Variants in ROBO2 observed in about 807,000 individuals in gnomAD.
ROBO2 encodes the protein roundabout guidance receptor 2, also known as roundabout homolog 2.
Under a neutral mutation model 160.8 loss-of-function variants are expected in ROBO2, and 53 were observed. The ratio of observed to expected loss-of-function variants is 0.33; its 90% CI spans 0.26 to 0.41. The LOEUF (loss-of-function observed/expected upper bound fraction) is 0.41. Ranked by LOEUF, ROBO2 falls within the 10% of genes least tolerant of loss-of-function variation. ROBO2 has a pLI of 1.00. For missense variants in ROBO2, 1,577 were observed against 1,722.4 expected (o/e 0.92, Z 1.49); for synonymous variants, 664 against 611.7 (o/e 1.09, Z -1.26).
At position 76,569,854 on chromosome 3, in the gene ROBO2, GTGGCTCACACC is replaced by G. The variant is rs1387632224; in HGVS notation, c.110-528157_110-528147del. On this transcript the variant is annotated intron_variant, in intron 2 of 26. Coordinates refer to the ROBO2 transcript ENST00000487694. ...AGATTCCAATAAGCAGCCAGGTGCA[GTGGCTCACACC>G]TGTAATCCCAGCACTTTGAGAGGCC... 5.3e-5 allele frequency among the ~76,000 whole-genome samples: 8 copies of G among 152,334 alleles called. No homozygotes were observed. The South Asian group carries it at 1.0e-3, about 20-fold the overall frequency.
At chr3:76,833,427 G>A (rs2109350846) in intron 2 of ROBO2, among the ~76,000 whole-genome samples, 1 of 152,268 alleles carries the variant, frequency 6.6e-6, no homozygotes, top group Admixed American at 6.5e-5. Flanking sequence ...ATAAAAGTTT[G>A]TGGGATAGAA....
At chr3:77,609,244 A>C (rs913668081) in intron 21 of ROBO2, among the ~76,000 whole-genome samples, 8 of 152,044 alleles carry the variant, frequency 5.3e-5, no homozygotes, top group African/African-American at 1.9e-4. Flanking sequence ...GGGAAACTAA[A>C]AGTATATCCT....
At chr3:76,331,663 T>C (rs1467289021) in intron 2 of ROBO2, among the ~76,000 whole-genome samples, 1 of 151,574 alleles carries the variant, frequency 6.6e-6, no homozygotes, top group Non-Finnish European at 1.5e-5. Context: ...TAATATTTGT[T>C]ATTGTTCTAT....
intron 2 of ROBO2, among the ~76,000 whole-genome samples, chr3:76,803,422 A>G (rs1301717831): frequency 2.5e-5 from 2 of 78,996 alleles, no homozygotes; most frequent in South Asian, 4.7e-4. Context: ...GAGGAGGAGG[A>G]TACAAAAGAG....
At chr3:76,658,897 A>G (rs1207220661) in intron 2 of ROBO2, among the ~76,000 whole-genome samples, 1 of 152,126 alleles carries the variant, frequency 6.6e-6, no homozygotes, top group Non-Finnish European at 1.5e-5. Context: ...TTGAATAGCT[A>G]TTTAGTTTAT....
At chr3:76,850,630 C>G (rs2069246908) in intron 2 of ROBO2, among the ~76,000 whole-genome samples, 1 of 152,088 alleles carries the variant, frequency 6.6e-6, no homozygotes, top group Non-Finnish European at 1.5e-5. Context: ...CTTAGTCTTT[C>G]CTGTATAATT....
At chr3:76,172,845 T>A (rs890597272) in intron 2 of ROBO2, among the ~76,000 whole-genome samples, 2 of 152,108 alleles carry the variant, frequency 1.3e-5, no homozygotes, top group Non-Finnish European at 2.9e-5. Flanking sequence ...TGGAAAAATA[T>A]AATAAGTTAC....
chr3:76,036,246 T>A (rs1179110636), intron 2 of ROBO2, among the ~76,000 whole-genome samples: 1 of 150,316 alleles, frequency 6.7e-6, no homozygotes, highest in Non-Finnish European at 1.5e-5. Flanking sequence ...GCCTCCCGGG[T>A]TCAAGTGATT....
intron 2 of ROBO2, among the ~76,000 whole-genome samples, chr3:76,912,954 TA>T (rs558975226): frequency 8.2e-4 from 121 of 147,366 alleles, no homozygotes; most frequent in Middle Eastern, 3.5e-3. Flanking sequence ...AGAGGGAGTT[TA>T]AAAAAAAAAA....
At chr3:76,396,014 A>T (rs2077425510) in intron 2 of ROBO2, among the ~76,000 whole-genome samples, 1 of 152,142 alleles carries the variant, frequency 6.6e-6, no homozygotes, top group Admixed American at 6.5e-5. Flanking sequence ...GCAGAGACAC[A>T]ACTAAAAAAG....
intron 2 of ROBO2, among the ~76,000 whole-genome samples, chr3:76,903,754 T>C (rs564860065): frequency 7.2e-4 from 109 of 152,268 alleles, no homozygotes; most frequent in Non-Finnish European, 1.5e-3. Flanking sequence ...TGTGTAACGA[T>C]AGGCACAGAA....
At chr3:76,660,882 C>T (rs1189233549) in intron 2 of ROBO2, among the ~76,000 whole-genome samples, 1 of 152,004 alleles carries the variant, frequency 6.6e-6, no homozygotes, top group Non-Finnish European at 1.5e-5. Flanking sequence ...TTTTTTTCAT[C>T]AACTAAAGTT....
At chr3:77,135,237 A>G (rs527530884) in intron 2 of ROBO2, among the ~76,000 whole-genome samples, 1 of 152,252 alleles carries the variant, frequency 6.6e-6, no homozygotes, top group Admixed American at 6.5e-5. Flanking sequence ...TTTGAACTCT[A>G]GTTTTAGGAT....
Position 76,629,694 on chromosome 3 carries a change from G to A in ROBO2, c.110-468320G>A, listed in dbSNP as rs570743032. On this transcript the variant is annotated intron_variant, in intron 2 of 26. Transcript: ENST00000487694. The stretch of plus-strand genomic sequence containing the variant: ...TCACAGACACGCCCAGAAACAATAC[G>A]TTGCACCCTTCAATCCAATCAAATT... 3.9e-5 allele frequency among the ~76,000 whole-genome samples: 6 copies of A among 152,144 alleles called. No individual in the cohort carries two copies. In the East Asian group the frequency reaches 5.8e-4, roughly 15 times the overall value.
intron 2 of ROBO2, among the ~76,000 whole-genome samples, chr3:76,670,826 A>G (rs1003043065): frequency 4.0e-4 from 60 of 151,828 alleles, no homozygotes; most frequent in Non-Finnish European, 5.3e-4. Flanking sequence ...CAGCCTTTAG[A>G]GATGATTTTA....
intron 2 of ROBO2, among the ~76,000 whole-genome samples, chr3:76,811,334 T>A (rs1433337309): frequency 1.3e-5 from 2 of 152,180 alleles, no homozygotes; most frequent in Non-Finnish European, 2.9e-5. Flanking sequence ...TATTTCATGT[T>A]TGTTCATTTT....
At chr3:77,295,709 A>G (rs2153404368) in intron 2 of ROBO2, among the ~76,000 whole-genome samples, 1 of 149,764 alleles carries the variant, frequency 6.7e-6, no homozygotes, top group African/African-American at 2.5e-5. Context: ...CTAGATCACT[A>G]AAGACATAAA....
chr3:77,618,053 C>T, intron 22 of ROBO2: 1 of 444,544 alleles, frequency 2.2e-6, no homozygotes, highest in Non-Finnish European at 4.1e-6. Context: ...TTCAAATCTG[C>T]TGTATTTCAG....
intron 5 of ROBO2, among the ~76,000 whole-genome samples, chr3:77,501,916 G>A (rs560151687): frequency 6.6e-6 from 1 of 152,006 alleles, no homozygotes; most frequent in African/African-American, 2.4e-5. Context: ...AGCCGGTACT[G>A]ATTCAAAATA....
Sources: gnomAD v4.1 joint callset for allele counts (sites outside exome capture counted in the v4.1 genomes callset) on GRCh38, gnomAD v4.1.1 for gene constraint, MANE v1.5 for transcripts, NCBI Gene and HGNC (gene_info 2026-07-23, HGNC 2026-07-21) for gene names.